SLC35F3: variants seen among roughly 807,000 people sequenced by gnomAD.
The protein encoded by SLC35F3 is putative thiamine transporter SLC35F3.
In SLC35F3, 25 loss-of-function variants were observed where a neutral mutation model predicts 49.9. That is an observed-to-expected ratio of 0.50 (90% CI 0.37 to 0.70). The LOEUF (loss-of-function observed/expected upper bound fraction) is 0.70, where lower values mean the gene tolerates loss of function less well. SLC35F3 is among the 30% of genes least tolerant of loss of function. The pLI is 0.00. For synonymous variants in SLC35F3, 275 were observed against 265.4 expected (o/e 1.04, Z -0.35); for missense variants, 525 against 639.8 (o/e 0.82, Z 1.94).
intron 2 of SLC35F3, among the ~76,000 whole-genome samples, chr1:234,034,892 G>A (rs936554681): frequency 1.3e-5 from 2 of 152,064 alleles, no homozygotes; most frequent in African/African-American, 4.8e-5. Flanking sequence ...ATTAATTATT[G>A]TGTTTTTTGT....
intron 2 of SLC35F3, among the ~76,000 whole-genome samples, chr1:234,000,386 T>C (rs890549629): frequency 9.9e-5 from 15 of 152,200 alleles, no homozygotes; most frequent in African/African-American, 3.6e-4. Context: ...TTGTTCCCAA[T>C]TTTACGCAAT....
At chr1:234,249,718 T>C (rs1171379420) in intron 3 of SLC35F3, among the ~76,000 whole-genome samples, 1 of 152,234 alleles carries the variant, frequency 6.6e-6, no homozygotes, top group Non-Finnish European at 1.5e-5. Context: ...AAATGGTCTC[T>C]CACCATTATC....
chr1:234,235,950 G>T (rs567373822), intron 3 of SLC35F3, among the ~76,000 whole-genome samples: 1 of 152,126 alleles, frequency 6.6e-6, no homozygotes, highest in African/African-American at 2.4e-5. Context: ...GTTGCAAACC[G>T]GAGCTTTGTT....
At chr1:234,101,774 A>G (rs1027808658) in intron 2 of SLC35F3, among the ~76,000 whole-genome samples, 8 of 152,236 alleles carry the variant, frequency 5.3e-5, no homozygotes, top group Non-Finnish European at 8.8e-5. Flanking sequence ...TAGGACAGAA[A>G]AAATATTGGA....
chr1:233,958,874 G>A (rs568272411), intron 2 of SLC35F3, among the ~76,000 whole-genome samples: 24 of 152,246 alleles, frequency 1.6e-4, no homozygotes, highest in African/African-American at 5.1e-4. Flanking sequence ...ACAAAATAAC[G>A]CATGAGCAGC....
chr1:233,953,359 T>C (rs1054860193), intron 2 of SLC35F3, among the ~76,000 whole-genome samples: 33 of 152,234 alleles, frequency 2.2e-4, no homozygotes, highest in African/African-American at 7.2e-4. Context: ...GAATTATAGC[T>C]GGGAATTCAC....
At chr1:234,128,682 G>A (rs1054346484) in intron 2 of SLC35F3, among the ~76,000 whole-genome samples, 1 of 152,216 alleles carries the variant, frequency 6.6e-6, no homozygotes, top group African/African-American at 2.4e-5. Context: ...AAAGGCATGG[G>A]TATGCAAAGG....
At chr1:234,136,272 C>CT (rs1490923425) in intron 2 of SLC35F3, among the ~76,000 whole-genome samples, 2 of 150,980 alleles carry the variant, frequency 1.3e-5, no homozygotes, top group East Asian at 1.9e-4. Context: ...CTTTCTTTCT[C>CT]TCTCTTTCTC....
intron 2 of SLC35F3, among the ~76,000 whole-genome samples, chr1:234,142,077 A>G (rs1156955214): frequency 6.6e-6 from 1 of 152,218 alleles, no homozygotes; most frequent in Non-Finnish European, 1.5e-5. Context: ...TGAAAGAAGG[A>G]AGATCATCGA....
At chr1:234,036,401 A>T (rs1260164192) in intron 2 of SLC35F3, among the ~76,000 whole-genome samples, 1 of 152,152 alleles carries the variant, frequency 6.6e-6, no homozygotes, top group African/African-American at 2.4e-5. Flanking sequence ...ATTAGTGTAC[A>T]TATCTTTGGA....
chr1:234,226,500 T>A (rs984539750), intron 2 of SLC35F3, among the ~76,000 whole-genome samples: 7 of 150,684 alleles, frequency 4.6e-5, no homozygotes, highest in Non-Finnish European at 7.4e-5. Context: ...TGAGAATGAA[T>A]GACTTTCCAT....
chr1:234,035,509 G>T (rs1664129614), intron 2 of SLC35F3, among the ~76,000 whole-genome samples: 1 of 152,084 alleles, frequency 6.6e-6, no homozygotes, highest in Admixed American at 6.5e-5. Context: ...TTCAGTTTTA[G>T]TAAATCTTCT....
intron 2 of SLC35F3, among the ~76,000 whole-genome samples, chr1:234,059,776 C>T (rs552363757): frequency 4.6e-5 from 7 of 152,322 alleles, no homozygotes; most frequent in South Asian, 2.1e-4. Flanking sequence ...ACAGCCAGTC[C>T]GAGTCCCAAA....
At chr1:234,267,487 G>A (rs1486445332) in intron 3 of SLC35F3, among the ~76,000 whole-genome samples, 6 of 149,714 alleles carry the variant, frequency 4.0e-5, no homozygotes, top group African/African-American at 1.5e-4. Flanking sequence ...TCCCGGATGG[G>A]GCGGCTGGCC....
At chr1:234,149,325 T>A (rs1666039234) in intron 2 of SLC35F3, among the ~76,000 whole-genome samples, 1 of 152,238 alleles carries the variant, frequency 6.6e-6, no homozygotes, top group Non-Finnish European at 1.5e-5. Flanking sequence ...TCTAAATTTC[T>A]TTCTTCCCAA....
Position 233,905,530 on chromosome 1 carries a change from G to A in SLC35F3, c.55G>A (p.Gly19Ser). 4 of 1,612,064 alleles carry A rather than the reference G, an allele frequency of 2.5e-6. No homozygotes were observed. The highest frequency in any genetic ancestry group is 4.5e-5 in the East Asian group (2 of 44,780). Residue 19 changes from glycine to serine, a missense_variant and splice_region_variant, in exon 2 of 8, where the codon GGC becomes AGC. Transcript: ENST00000366618. ...GAPRGKSIAV[G>S]MRRSPDVSPR... ...TGCCCGTGGCGCCTGCGACCGCAGT[G>A]GCATGAGGAGGTCACCGGACGTCAG...
chr1:234,209,139 C>A (rs1462767717), intron 2 of SLC35F3, among the ~76,000 whole-genome samples: 3 of 152,132 alleles, frequency 2.0e-5, no homozygotes, highest in African/African-American at 7.2e-5. Context: ...GAATAGGGGT[C>A]AGAGGTCAAA....
chr1:234,206,992 A>G (rs1247314175), intron 2 of SLC35F3, among the ~76,000 whole-genome samples: 1 of 152,146 alleles, frequency 6.6e-6, no homozygotes, highest in East Asian at 1.9e-4. Flanking sequence ...CCTTGGAAAC[A>G]GACACCAGCC....
intron 2 of SLC35F3, among the ~76,000 whole-genome samples, chr1:234,104,013 G>C (rs991352767): frequency 6.6e-6 from 1 of 152,186 alleles, no homozygotes; most frequent in East Asian, 1.9e-4. Flanking sequence ...CCCACCACAA[G>C]TGTATAAAAA....
Sources: gnomAD v4.1 joint callset for allele counts (sites outside exome capture counted in the v4.1 genomes callset) on GRCh38, gnomAD v4.1.1 for gene constraint, MANE v1.5 for transcripts, NCBI Gene and HGNC (gene_info 2026-07-23, HGNC 2026-07-21) for gene names.